Variants in LRRC2 observed in about 807,000 individuals in gnomAD.
LRRC2 encodes the protein leucine-rich repeat-containing protein 2.
LRRC2 carries 27 observed loss-of-function variants against 40.2 expected under a neutral mutation model. The ratio of observed to expected loss-of-function variants is 0.67; its 90% CI spans 0.49 to 0.93. The LOEUF is 0.93. LRRC2 is among the 40% of genes least tolerant of loss of function. The pLI is 0.00. For synonymous variants in LRRC2, 147 were observed against 158.9 expected (o/e 0.92, Z 0.56); for missense variants, 402 against 439.6 (o/e 0.91, Z 0.76).
At chr3:46,541,265 G>A (rs1373700836) in intron 3 of LRRC2, among the ~76,000 whole-genome samples, 3 of 150,998 alleles carry the variant, frequency 2.0e-5, no homozygotes, top group South Asian at 2.1e-4. Context: ...CCCGGGAAGC[G>A]GACCTTGAAG....
At chr3:46,522,034 C>T (rs1025209926) in intron 7 of LRRC2, among the ~76,000 whole-genome samples, 6 of 152,022 alleles carry the variant, frequency 3.9e-5, no homozygotes, top group African/African-American at 1.5e-4. Context: ...ATGACGTGTC[C>T]AAATTACAAA....
At chr3:46,522,412 T>TAAATAAAC (rs375832543) in intron 7 of LRRC2, among the ~76,000 whole-genome samples, 1 of 147,336 alleles carries the variant, frequency 6.8e-6, no homozygotes, top group Non-Finnish European at 1.5e-5. Context: ...AATAAATAAA[T>TAAATAAAC]AAATAAACAA....
intron 1 of LRRC2, among the ~76,000 whole-genome samples, chr3:46,561,266 C>T (rs1468233640): frequency 6.6e-6 from 1 of 152,092 alleles, no homozygotes; most frequent in African/African-American, 2.4e-5. Context: ...TGGCTGGGTG[C>T]AGTGGCTCCC....
At chr3:46,556,937 T>C (rs755873678) in intron 1 of LRRC2, among the ~76,000 whole-genome samples, 39 of 151,242 alleles carry the variant, frequency 2.6e-4, no homozygotes, top group Non-Finnish European at 4.9e-4. Context: ...CCTTCTGGAA[T>C]TCTGATGACA....
At chr3:46,553,971 CTTTG>C (rs1704726605) in intron 1 of LRRC2, among the ~76,000 whole-genome samples, 1 of 151,784 alleles carries the variant, frequency 6.6e-6, no homozygotes, top group Non-Finnish European at 1.5e-5. Flanking sequence ...CTGAGACTGC[CTTTG>C]TTTGTTGTTG....
At chr3:46,563,422 C>A (rs893879834) in intron 1 of LRRC2, among the ~76,000 whole-genome samples, 1 of 152,014 alleles carries the variant, frequency 6.6e-6, no homozygotes, top group African/African-American at 2.4e-5. Flanking sequence ...ACCCCTCCTG[C>A]TCCCCTCCTC....
chr3:46,563,089 C>A (rs1704981695), intron 1 of LRRC2, among the ~76,000 whole-genome samples: 2 of 151,568 alleles, frequency 1.3e-5, no homozygotes, highest in Non-Finnish European at 2.9e-5. Context: ...AGTATGCACA[C>A]ACACACATGC....
chr3:46,535,205 C>A (rs1424681615), intron 4 of LRRC2, among the ~76,000 whole-genome samples: 1 of 152,142 alleles, frequency 6.6e-6, no homozygotes, highest in Non-Finnish European at 1.5e-5. Flanking sequence ...AAGAACATCT[C>A]CCTTTTTATT....
At chr3:46,557,896 A>G (rs1704845684) in intron 1 of LRRC2, 2 of 152,282 alleles carry the variant, frequency 1.3e-5, no homozygotes, top group Non-Finnish European at 2.9e-5. Context: ...AGGCACTTGC[A>G]GAAGGCATCG....
At chr3:46,555,954 A>C (rs2107049200) in intron 1 of LRRC2, among the ~76,000 whole-genome samples, 1 of 152,264 alleles carries the variant, frequency 6.6e-6, no homozygotes, top group East Asian at 1.9e-4. Context: ...TTTTTGCTGG[A>C]TATAGAATTT....
intron 5 of LRRC2, 135 bp from the exon 6 acceptor site, chr3:46,530,185 T>G: frequency 1.4e-6 from 1 of 704,516 alleles, no homozygotes; most frequent in Non-Finnish European, 2.4e-6. Flanking sequence ...ATACAGTATG[T>G]ATTTTGAAGC....
chr3:46,540,304 C>T (rs1048307435), intron 3 of LRRC2, among the ~76,000 whole-genome samples: 1 of 152,220 alleles, frequency 6.6e-6, no homozygotes, highest in Non-Finnish European at 1.5e-5. Context: ...GCGGGTGAAT[C>T]ACCTGAGGTC....
chr3:46,560,465 A>G lies in LRRC2; in HGVS notation c.-20+5712T>C, dbSNP rs1294851607. Among the ~76,000 whole-genome samples the G allele has an allele frequency of 2.6e-5, 4 of 152,362 alleles. No homozygotes were observed. The South Asian group carries it at 8.3e-4, about 32-fold the overall frequency. On this transcript the variant is annotated intron_variant, in intron 1 of 8. Transcript: ENST00000395905. ...TCTTTAGGACTATAGAAATGTCATC[A>G]TCATCATATGCTACCCCAACACAGA... is the stretch of plus-strand genomic sequence containing the variant.
intron 4 of LRRC2, among the ~76,000 whole-genome samples, chr3:46,535,039 GC>G (rs1178652600): frequency 2.0e-5 from 3 of 152,054 alleles, no homozygotes; most frequent in Non-Finnish European, 4.4e-5. Flanking sequence ...TTTTCATTTT[GC>G]CCCACATGTG....
At position 46,518,800 on chromosome 3, in the gene LRRC2, A is replaced by T. The variant is rs1703914116; in HGVS notation, c.*214T>A. On this transcript the variant is annotated 3_prime_UTR_variant, in exon 9 of 9. Coordinates refer to ENST00000395905, the MANE Select transcript of LRRC2 (RefSeq NM_024512.5). ...AAAAGTATATGCAAATGAACCTGGA[A>T]ATATCAATATACAAACCAATTTTTC... 1 of 460,680 alleles carries T rather than the reference A, an allele frequency of 2.2e-6. No homozygotes were observed. The allele number at this position is 460,680 out of a possible 1,614,324, so 28.5% of individuals were successfully genotyped here.
At position 46,519,859 on chromosome 3, in the gene LRRC2, AAAG is replaced by A. The variant is rs757363798; in HGVS notation, c.1067-799_1067-797del. On this transcript the variant is annotated intron_variant, in intron 8 of 8. Transcript: ENST00000395905. ...AGGAAAACAGGGAAGACACCATGAT[AAAG>A]AAAAGAAAACGAGCAAATTTTTTAA... is the stretch of plus-strand genomic sequence containing the variant. Among the ~76,000 whole-genome samples the A allele has an allele frequency of 2.0e-5, 3 of 152,310 alleles. No individual in the cohort carries two copies. In the East Asian group the frequency reaches 5.8e-4, roughly 29 times the overall value.
intron 3 of LRRC2, among the ~76,000 whole-genome samples, chr3:46,542,292 GT>G (rs1704411825): frequency 6.6e-6 from 1 of 151,908 alleles, no homozygotes; most frequent in Non-Finnish European, 1.5e-5. Flanking sequence ...GAGCCTAGGA[GT>G]TCAAGACCAG....
chr3:46,552,541 C>T (rs1704683793), intron 1 of LRRC2, among the ~76,000 whole-genome samples: 1 of 152,140 alleles, frequency 6.6e-6, no homozygotes, highest in African/African-American at 2.4e-5. Context: ...TAACCCATCA[C>T]CTCAATTCTT....
chr3:46,545,342 G>T, intron 2 of LRRC2, 89 bp from the exon 3 acceptor site: 1 of 1,112,230 alleles, frequency 9.0e-7, no homozygotes, highest in Non-Finnish European at 1.3e-6. Context: ...GGGCATAGGT[G>T]CTCTCCTTGT....
Sources: allele counts gnomAD v4.1 joint callset (sites outside exome capture counted in the v4.1 genomes callset), GRCh38; gene constraint gnomAD v4.1.1; transcripts MANE v1.5; gene names NCBI Gene and HGNC (gene_info 2026-07-23, HGNC 2026-07-21).